Variants in SMIM10L3 observed in about 807,000 individuals in gnomAD.
The protein encoded by SMIM10L3 is salivary gland specific protein SAGSIN1.
chr7:6,342,224 T>TTC, the SMIM10L3 span, among the ~76,000 whole-genome samples: 2 of 151,772 alleles, frequency 1.3e-5, no homozygotes, highest in African/African-American at 2.4e-5. Flanking sequence ...TACTTTCTCT[T>TTC]TCTCTCTCTC....
At chr7:6,330,817 C>T in the SMIM10L3 span, 3 of 1,614,216 alleles carry the variant, frequency 1.9e-6, no homozygotes, top group Middle Eastern at 1.6e-4. Flanking sequence ...CCGAGCAAAA[C>T]ACTCTGTTGG....
At chr7:6,348,858 C>G in the SMIM10L3 span, 1 of 389,274 alleles carries the variant, frequency 2.6e-6, no homozygotes, top group African/African-American at 2.1e-5. Context: ...GCGAAGGAGG[C>G]GGCGGCTAGA....
the SMIM10L3 span, chr7:6,348,941 G>C: frequency 5.3e-6 from 2 of 380,170 alleles, no homozygotes; most frequent in Middle Eastern, 6.6e-4. Context: ...GCGAGCAGCC[G>C]CCTGTACCAG....
chr7:6,348,952 C>T, the SMIM10L3 span: 1 of 379,206 alleles, frequency 2.6e-6, no homozygotes, highest in Non-Finnish European at 4.7e-6. Flanking sequence ...CCTGTACCAG[C>T]CTGGCCGCGC....
chr7:6,337,091 CA>C, the SMIM10L3 span, among the ~76,000 whole-genome samples: 532 of 146,850 alleles, frequency 3.6e-3, 3 homozygotes, highest in South Asian at 0.01. Context: ...TTTTTTGAGA[CA>C]AGAGTCTCTC....
chr7:6,336,247 G>A, the SMIM10L3 span, among the ~76,000 whole-genome samples: 2 of 151,900 alleles, frequency 1.3e-5, no homozygotes, highest in African/African-American at 4.8e-5. Flanking sequence ...TTGAGAGGCT[G>A]AGGTAGGAGA....
chr7:6,345,476 C>T, the SMIM10L3 span, among the ~76,000 whole-genome samples: 1 of 151,980 alleles, frequency 6.6e-6, no homozygotes. Flanking sequence ...GCAGATACTA[C>T]AATAGTCCAG....
chr7:6,348,855 A>AGGC, the SMIM10L3 span: 1 of 389,914 alleles, frequency 2.6e-6, no homozygotes, highest in Non-Finnish European at 4.5e-6. Flanking sequence ...GGAGCGAAGG[A>AGGC]GGCGGCGGCT....
chr7:6,342,136 T>A, the SMIM10L3 span, among the ~76,000 whole-genome samples: 1 of 152,126 alleles, frequency 6.6e-6, no homozygotes, highest in South Asian at 2.1e-4. Flanking sequence ...TGGTATTAGG[T>A]TGGTATACCA....
chr7:6,345,566 T>C, the SMIM10L3 span, among the ~76,000 whole-genome samples: 20 of 152,166 alleles, frequency 1.3e-4, no homozygotes, highest in African/African-American at 4.3e-4. Flanking sequence ...ACTGTTTCAA[T>C]GGTAAAGAGC....
At chr7:6,342,855 A>G in the SMIM10L3 span, among the ~76,000 whole-genome samples, 1 of 151,338 alleles carries the variant, frequency 6.6e-6, no homozygotes, top group Non-Finnish European at 1.5e-5. Context: ...TGGGCAACAT[A>G]GTGAGACCCC....
At chr7:6,346,534 C>T in the SMIM10L3 span, among the ~76,000 whole-genome samples, 17 of 152,118 alleles carry the variant, frequency 1.1e-4, no homozygotes, top group Non-Finnish European at 2.2e-4. Context: ...TGCCCGGCCA[C>T]CACGCCCAGC....
At chr7:6,332,198 G>T in the SMIM10L3 span, among the ~76,000 whole-genome samples, 1 of 151,798 alleles carries the variant, frequency 6.6e-6, no homozygotes, top group African/African-American at 2.4e-5. Context: ...CATCCTTCAG[G>T]TTATGTAATT....
At chr7:6,333,838 CTCT>C in the SMIM10L3 span, among the ~76,000 whole-genome samples, 4 of 138,464 alleles carry the variant, frequency 2.9e-5, no homozygotes, top group Non-Finnish European at 6.2e-5. Context: ...AACTCCTGGC[CTCT>C]TTTTTTTTTT....
chr7:6,335,811 G>A, the SMIM10L3 span, among the ~76,000 whole-genome samples: 2 of 152,046 alleles, frequency 1.3e-5, no homozygotes, highest in Admixed American at 1.3e-4. Flanking sequence ...CAGACAGAAG[G>A]ATGGCTTGAG....
chr7:6,343,442 A>ATG, the SMIM10L3 span, among the ~76,000 whole-genome samples: 3 of 114,282 alleles, frequency 2.6e-5, no homozygotes, highest in Non-Finnish European at 3.6e-5. Context: ...ATATATATAT[A>ATG]TATGATCTAG....
At chr7:6,339,314 A>T in the SMIM10L3 span, among the ~76,000 whole-genome samples, 3 of 152,006 alleles carry the variant, frequency 2.0e-5, no homozygotes, top group Non-Finnish European at 4.4e-5. Flanking sequence ...ACAAAAAATT[A>T]AAAAATTAGC....
the SMIM10L3 span, among the ~76,000 whole-genome samples, chr7:6,345,553 G>T: frequency 2.8e-4 from 43 of 152,102 alleles, no homozygotes; most frequent in Non-Finnish European, 5.6e-4. Flanking sequence ...TATGAAAAAG[G>T]TAACTGTTTC....
the SMIM10L3 span, among the ~76,000 whole-genome samples, chr7:6,337,008 C>T: frequency 1.3e-5 from 2 of 151,886 alleles, no homozygotes; most frequent in South Asian, 2.1e-4. Flanking sequence ...TAAGTATGAA[C>T]ATTATCCTTA....
Sources: gnomAD v4.1 joint callset for allele counts (sites outside exome capture counted in the v4.1 genomes callset) on GRCh38, gnomAD v4.1.1 for gene constraint, MANE v1.5 for transcripts, NCBI Gene and HGNC (gene_info 2026-07-23, HGNC 2026-07-21) for gene names.